Variants in PAX7 observed in about 807,000 individuals in gnomAD.
The protein encoded by PAX7 is paired box protein Pax-7.
A neutral mutation model predicts 50.7 loss-of-function variants in PAX7; 18 were observed. That is an observed-to-expected ratio of 0.36 (90% CI 0.25 to 0.53). The LOEUF is 0.53. Ranked by LOEUF, PAX7 falls within the 20% of genes least tolerant of loss-of-function variation. The pLI, the probability that PAX7 is intolerant of heterozygous loss-of-function variation, is 0.93. For synonymous variants in PAX7, 310 were observed against 290.4 expected (o/e 1.07, Z -0.69); for missense variants, 644 against 702.9 (o/e 0.92, Z 0.95).
chr1:18,700,549 C>A lies in PAX7; in HGVS notation c.787-104C>A. The A allele has an allele frequency of 9.3e-7, 1 of 1,077,810 alleles. No homozygotes were observed. The highest frequency in any genetic ancestry group is 1.3e-6 in the Non-Finnish European group (1 of 775,310). The allele number at this position is 1,077,810 out of a possible 1,614,324, so 66.8% of individuals were successfully genotyped here. ...GCCGGGGCCTGCAGGAGGATGCTGG[C>A]TGGATCAGAGGGTGATGGCTTGGGC... is the stretch of plus-strand genomic sequence containing the variant. On this transcript the variant is annotated intron_variant, in intron 5 of 8. Transcript: ENST00000420770. This position sits in a 1 kb window ranked among gnomAD's most constrained non-coding sequence, Gnocchi z 4.8.
intron 7 of PAX7, among the ~76,000 whole-genome samples, chr1:18,706,460 CT>C (rs71027391): frequency 0.48 from 46,752 of 97,998 alleles, 8,467 homozygotes; most frequent in East Asian, 0.7. Context: ...CTCTCTCTCT[CT>C]TTTTTTTTTT....
intron 7 of PAX7, among the ~76,000 whole-genome samples, chr1:18,708,600 G>C (rs942665154): frequency 2.0e-5 from 3 of 151,916 alleles, no homozygotes; most frequent in Non-Finnish European, 4.4e-5. Flanking sequence ...TAGGATGAAA[G>C]GAACCTTTTG....
chr1:18,719,924 T>C (rs1428606329), intron 7 of PAX7, among the ~76,000 whole-genome samples: 1 of 152,188 alleles, frequency 6.6e-6, no homozygotes, highest in Non-Finnish European at 1.5e-5. Flanking sequence ...GCACCTCTAC[T>C]CCTATTAGTA....
chr1:18,691,828 C>T lies in PAX7; in HGVS notation c.661C>T (p.Arg221Trp), dbSNP rs1473016979. The stretch of plus-strand genomic sequence containing the variant: ...ACTGAAGCGCAAGCAGCGACGCAGT[C>T]GGACCACATTCACGGCCGAGCAGCT... ...LPLKRKQRRS[R>W]TTFTAEQLEE... The change falls in exon 5 of 9, where the codon CGG becomes TGG. Residue 221 changes from arginine to tryptophan, a missense_variant. By Grantham distance (101) the Arg-to-Trp change is moderately radical. Coordinates refer to ENST00000420770, the MANE Select transcript of PAX7 (RefSeq NM_001135254.2). 2 of 1,612,870 alleles carry T rather than the reference C, an allele frequency of 1.2e-6. No individual in the cohort carries two copies. Among genetic ancestry groups the T allele is most frequent in the Admixed American group, 1.7e-5 (1 of 59,938 alleles).
intron 5 of PAX7, among the ~76,000 whole-genome samples, chr1:18,693,222 TGCTGACGGCGG>T (rs1246162780): frequency 3.9e-5 from 6 of 152,284 alleles, no homozygotes; most frequent in African/African-American, 1.4e-4. Context: ...CACCCCAAAC[TGCTGACGGCGG>T]GCACTTCCAT....
Position 18,635,142 on chromosome 1 carries a change from T to C in PAX7, c.353T>C (p.Ile118Thr), listed in dbSNP as rs1212641020. 6.2e-7 allele frequency: 1 copy of C among 1,613,728 alleles called. No homozygotes were observed. Residue 118 changes from isoleucine (I) to threonine (T), a missense_variant, in exon 3 of 9, where the codon ATT becomes ACT. Physicochemically the swap from Ile to Thr is moderately conservative, Grantham distance 89. Coordinates refer to ENST00000420770, the MANE Select transcript of PAX7 (RefSeq NM_001135254.2). ...GCGACTCCGGATGTAGAGAAAAAGA[T>C]TGAGGAGTACAAGAGGGAAAACCCA... ...QVATPDVEKK[I>T]EEYKRENPGM... is the part of the protein sequence containing the mutation.
At chr1:18,714,648 G>A (rs1165948124) in intron 7 of PAX7, among the ~76,000 whole-genome samples, 1 of 152,244 alleles carries the variant, frequency 6.6e-6, no homozygotes, top group Non-Finnish European at 1.5e-5. Context: ...CAATGAAAGA[G>A]ATGGACCAAC....
chr1:18,735,586 T>C lies in PAX7; in HGVS notation c.1156-46T>C, dbSNP rs574621021. On this transcript the variant is annotated intron_variant, in intron 7 of 8. Coordinates refer to ENST00000420770, the MANE Select transcript of PAX7 (RefSeq NM_001135254.2). This position sits in a 1 kb window ranked among gnomAD's most constrained non-coding sequence, Gnocchi z 4.0. ...ATTGTGCCCAGTGTGCTCGTGTCTCTGGGGTCTGTCCGGTGAGCCTGGCAC... is the reference window on the plus strand; with the variant it reads ...ATTGTGCCCAGTGTGCTCGTGTCTCCGGGGTCTGTCCGGTGAGCCTGGCAC... The C allele has an allele frequency of 1.1e-5, 18 of 1,574,784 alleles. No homozygotes were observed. The highest frequency in any genetic ancestry group is 1.4e-5 in the Non-Finnish European group (16 of 1,155,830).
chr1:18,740,256 A>G (rs1931056453), intron 8 of PAX7, among the ~76,000 whole-genome samples: 1 of 152,158 alleles, frequency 6.6e-6, no homozygotes, highest in Admixed American at 6.5e-5. Flanking sequence ...GTGCCCTTGA[A>G]GTTGGCAGGG....
At chr1:18,712,894 C>T (rs1043840877) in intron 7 of PAX7, among the ~76,000 whole-genome samples, 1 of 151,994 alleles carries the variant, frequency 6.6e-6, no homozygotes, top group Admixed American at 6.5e-5. Context: ...CCAGCCTGGG[C>T]AACATGGTGA....
At position 18,636,386 on chromosome 1, in the gene PAX7, T is replaced by C. The variant is rs1397803404; in HGVS notation, c.586+15T>C. ...GGGCGACAAAGGTAGGGAACTTCCC[T>C]GGGCTGCGAGGCCCCAGCCCGGGTT... On this transcript the variant is annotated intron_variant, in intron 4 of 8. Coordinates refer to ENST00000420770, the MANE Select transcript of PAX7 (RefSeq NM_001135254.2). This position sits in a 1 kb window ranked among gnomAD's most constrained non-coding sequence, Gnocchi z 5.1. 2 of 1,611,810 alleles carry C rather than the reference T, an allele frequency of 1.2e-6. No individual in the cohort carries two copies. The highest frequency in any genetic ancestry group is 2.2e-5 in the East Asian group (1 of 44,854).
intron 4 of PAX7, among the ~76,000 whole-genome samples, chr1:18,672,319 C>G (rs977849506): frequency 1.2e-4 from 18 of 152,180 alleles, no homozygotes; most frequent in African/African-American, 4.3e-4. Flanking sequence ...GACCACCAAG[C>G]CATCCCCTTC....
intron 4 of PAX7, among the ~76,000 whole-genome samples, chr1:18,641,030 C>T (rs1255033817): frequency 6.6e-6 from 1 of 152,242 alleles, no homozygotes; most frequent in Admixed American, 6.5e-5. Flanking sequence ...CAGAGACTAA[C>T]GAGAAACAAC....
At chr1:18,695,450 C>A (rs143843218) in intron 5 of PAX7, among the ~76,000 whole-genome samples, 2 of 152,186 alleles carry the variant, frequency 1.3e-5, no homozygotes, top group South Asian at 4.1e-4. Flanking sequence ...CTCATAAATA[C>A]GTGCACAGGT....
rs2743207 is a variant in PAX7, at chr1:18,692,659, A to G, written c.786+706A>G. Among the ~76,000 whole-genome samples, 979 of 152,360 alleles carry G rather than the reference A, an allele frequency of 6.4e-3. 10 individuals carry two copies. Among genetic ancestry groups the G allele is most frequent in the African/African-American group, 0.021 (884 of 41,592 alleles). Reference sequence around the variant, plus strand: ...ATGAGCAGAGGAAGTGATCAGGAGGAAGATTTCCAAACAAGCCTAGCTTCC... The same window carrying G: ...ATGAGCAGAGGAAGTGATCAGGAGGGAGATTTCCAAACAAGCCTAGCTTCC... On this transcript the variant is annotated intron_variant, in intron 5 of 8. Coordinates refer to ENST00000420770, the MANE Select transcript of PAX7 (RefSeq NM_001135254.2).
intron 4 of PAX7, among the ~76,000 whole-genome samples, chr1:18,663,580 G>A (rs1038000271): frequency 3.3e-5 from 5 of 152,086 alleles, no homozygotes; most frequent in African/African-American, 4.8e-5. Flanking sequence ...GTGGGGTTTC[G>A]CCATGTTGGC....
At chr1:18,688,415 A>C (rs1369853597) in intron 4 of PAX7, among the ~76,000 whole-genome samples, 4 of 152,248 alleles carry the variant, frequency 2.6e-5, no homozygotes, top group East Asian at 1.9e-4. Context: ...ACGTGTGACT[A>C]TGCAAATTTG....
chr1:18,638,363 CT>C (rs2088195895), intron 4 of PAX7, among the ~76,000 whole-genome samples: 1 of 152,218 alleles, frequency 6.6e-6, no homozygotes, highest in African/African-American at 2.4e-5. Context: ...TAACAAGCCA[CT>C]TTGCTGGATA....
chr1:18,667,584 G>A (rs1570145385), intron 4 of PAX7, among the ~76,000 whole-genome samples: 1 of 152,240 alleles, frequency 6.6e-6, no homozygotes, highest in East Asian at 1.9e-4. Flanking sequence ...GGATGCGGTG[G>A]AGGGATTGAG....
Sources: gnomAD v4.1 joint callset for allele counts (sites outside exome capture counted in the v4.1 genomes callset) on GRCh38, gnomAD v4.1.1 for gene constraint, Gnocchi (gnomAD v3.1) non-coding constraint, MANE v1.5 for transcripts, NCBI Gene and HGNC (gene_info 2026-07-23, HGNC 2026-07-21) for gene names.